The following OPCML variants were observed in gnomAD, a reference collection of about 807,000 sequenced individuals.
The protein encoded by OPCML is opioid binding protein/cell adhesion molecule like.
Under a neutral mutation model 37.8 loss-of-function variants are expected in OPCML, and 13 were observed. The ratio of observed to expected loss-of-function variants is 0.34; its 90% CI spans 0.22 to 0.55. The LOEUF (loss-of-function observed/expected upper bound fraction) is 0.55. Ranked by LOEUF, OPCML falls within the 20% of genes least tolerant of loss-of-function variation. The probability of loss-of-function intolerance (pLI) is 0.91; values close to 1 mark genes in which losing one functional copy is unlikely to be tolerated. For missense variants in OPCML, 341 were observed against 435.6 expected, an observed-to-expected ratio of 0.78 and a Z score of 1.93; for synonymous variants, 176 against 168.8, an observed-to-expected ratio of 1.04 and a Z score of -0.33.
At chr11:133,015,796 A>G (rs1217437463) in intron 1 of OPCML, among the ~76,000 whole-genome samples, 8 of 152,126 alleles carry the variant, frequency 5.3e-5, no homozygotes, top group African/African-American at 1.2e-4. Flanking sequence ...CCCCACTTGT[A>G]ACAAACACCT....
intron 1 of OPCML, among the ~76,000 whole-genome samples, chr11:133,320,919 G>A (rs1943314900): frequency 6.6e-6 from 1 of 152,186 alleles, no homozygotes; most frequent in South Asian, 2.1e-4. Context: ...TGAGGGCTGA[G>A]GATGTGGTCT....
chr11:133,514,418 T>G (rs1048499450), intron 1 of OPCML, among the ~76,000 whole-genome samples: 3 of 152,230 alleles, frequency 2.0e-5, no homozygotes, highest in Non-Finnish European at 2.9e-5. Flanking sequence ...ATTTCCTGTT[T>G]GCCAGCTCCA....
chr11:132,717,194 G>A (rs763630807), intron 2 of OPCML, among the ~76,000 whole-genome samples: 8 of 152,044 alleles, frequency 5.3e-5, no homozygotes, highest in Admixed American at 3.3e-4. Context: ...CTTTGTTATT[G>A]GATGCTAACA....
chr11:133,239,695 G>A (rs116928798), intron 1 of OPCML, among the ~76,000 whole-genome samples: 3,264 of 152,296 alleles, frequency 0.021, 61 homozygotes, highest in Non-Finnish European at 0.032. Context: ...ACTCCTTCGC[G>A]CTAATTACAG....
At chr11:132,782,389 C>A (rs1190854289) in intron 2 of OPCML, among the ~76,000 whole-genome samples, 1 of 152,236 alleles carries the variant, frequency 6.6e-6, no homozygotes, top group African/African-American at 2.4e-5. Context: ...AACTTTTCTG[C>A]AGTCCTCACA....
At chr11:132,713,006 G>C (rs972781945) in intron 2 of OPCML, among the ~76,000 whole-genome samples, 1 of 152,114 alleles carries the variant, frequency 6.6e-6, no homozygotes, top group Non-Finnish European at 1.5e-5. Flanking sequence ...GGTGGGCTCC[G>C]AGGGCGCTTT....
At chr11:133,055,908 T>C (rs1948228508) in intron 1 of OPCML, among the ~76,000 whole-genome samples, 1 of 149,762 alleles carries the variant, frequency 6.7e-6, no homozygotes, top group African/African-American at 2.5e-5. Flanking sequence ...GAGACGCCTC[T>C]ACTGTACAAT....
chr11:133,423,156 T>C, intron 1 of OPCML: 1 of 985,420 alleles, frequency 1.0e-6, no homozygotes, highest in Non-Finnish European at 1.2e-6. Context: ...CTTTCAGAAT[T>C]TATCTTTACA....
chr11:132,868,096 C>G (rs1409524877), intron 2 of OPCML, among the ~76,000 whole-genome samples: 1 of 152,136 alleles, frequency 6.6e-6, no homozygotes, highest in East Asian at 1.9e-4. Context: ...TGTATTAAGC[C>G]TGCTACTTCT....
chr11:132,960,766 A>C (rs1330257684), intron 1 of OPCML, among the ~76,000 whole-genome samples: 1 of 152,206 alleles, frequency 6.6e-6, no homozygotes, highest in African/African-American at 2.4e-5. Flanking sequence ...TGCGCATTTC[A>C]TTCCACACAC....
intron 2 of OPCML, among the ~76,000 whole-genome samples, chr11:132,896,421 T>C (rs1031857446): frequency 1.3e-4 from 20 of 152,186 alleles, no homozygotes; most frequent in African/African-American, 4.3e-4. Flanking sequence ...ATGGGAGTAA[T>C]TGGATCCCAA....
chr11:132,504,914 A>C (rs1248293823), intron 4 of OPCML, among the ~76,000 whole-genome samples: 1 of 152,048 alleles, frequency 6.6e-6, no homozygotes, highest in Non-Finnish European at 1.5e-5. Context: ...TTTCTAAGCA[A>C]TCACAATGGG....
At chr11:133,487,864 T>C (rs1303840014) in intron 1 of OPCML, among the ~76,000 whole-genome samples, 1 of 151,844 alleles carries the variant, frequency 6.6e-6, no homozygotes, top group Non-Finnish European at 1.5e-5. Context: ...GCTTAACTTA[T>C]CAATAAGAAG....
intron 2 of OPCML, among the ~76,000 whole-genome samples, chr11:132,833,037 A>G (rs1940789919): frequency 6.6e-6 from 1 of 152,212 alleles, no homozygotes; most frequent in Non-Finnish European, 1.5e-5. Flanking sequence ...ATTACCAGTT[A>G]GTACCGGGGA....
intron 4 of OPCML, among the ~76,000 whole-genome samples, chr11:132,481,305 A>C (rs897049786): frequency 6.6e-6 from 1 of 152,128 alleles, no homozygotes; most frequent in Non-Finnish European, 1.5e-5. Flanking sequence ...ACCAACAAAG[A>C]TCAAAAGAGA....
chr11:132,769,753 C>T (rs950831268), intron 2 of OPCML, among the ~76,000 whole-genome samples: 3 of 152,228 alleles, frequency 2.0e-5, no homozygotes, highest in African/African-American at 7.2e-5. Flanking sequence ...GTCGAAGCAC[C>T]GGACCCCTCT....
At chr11:133,516,562 C>G (rs56313485) in intron 1 of OPCML, among the ~76,000 whole-genome samples, 2 of 152,162 alleles carry the variant, frequency 1.3e-5, no homozygotes, top group African/African-American at 4.8e-5. Context: ...TTTAATAATA[C>G]CTCTTTTGAA....
At chr11:132,625,049 T>G (rs934986990) in intron 3 of OPCML, among the ~76,000 whole-genome samples, 1 of 152,134 alleles carries the variant, frequency 6.6e-6, no homozygotes, top group Non-Finnish European at 1.5e-5. Context: ...CCCCCCAAAA[T>G]AATATGTTTA....
chr11:132,580,041 AC>A (rs2096459188), intron 3 of OPCML, among the ~76,000 whole-genome samples: 1 of 151,980 alleles, frequency 6.6e-6, no homozygotes, highest in African/African-American at 2.4e-5. Flanking sequence ...ACATCTCCTA[AC>A]CCTGGCTCTT....
Sources: gnomAD v4.1 joint callset for allele counts (sites outside exome capture counted in the v4.1 genomes callset) on GRCh38, gnomAD v4.1.1 for gene constraint, MANE v1.5 for transcripts, NCBI Gene and HGNC (gene_info 2026-07-23, HGNC 2026-07-21) for gene names.